METTL8: variants seen among roughly 807,000 people sequenced by gnomAD.
The protein encoded by METTL8 is tRNA N(3)-cytidine methyltransferase METTL8, mitochondrial.
METTL8 carries 32 observed loss-of-function variants against 48.7 expected under a neutral mutation model. That is an observed-to-expected ratio of 0.66 (90% CI 0.50 to 0.88). The LOEUF is 0.88. Ranked by LOEUF, METTL8 falls within the 40% of genes least tolerant of loss-of-function variation. The pLI, the probability that METTL8 is intolerant of heterozygous loss-of-function variation, is 0.00. For missense variants in METTL8, 464 were observed against 474.4 expected (o/e 0.98, Z 0.20); for synonymous variants, 136 against 157.1 (o/e 0.87, Z 1.01).
At chr2:171,409,882 G>C (rs1007405996) in intron 1 of METTL8, among the ~76,000 whole-genome samples, 1 of 152,174 alleles carries the variant, frequency 6.6e-6, no homozygotes, top group East Asian at 1.9e-4. Flanking sequence ...AGGCCCTCCA[G>C]GCAGAGCCTT....
intron 3 of METTL8, among the ~76,000 whole-genome samples, chr2:171,342,944 A>T (rs1934399055): frequency 6.6e-6 from 1 of 152,152 alleles, no homozygotes; most frequent in Non-Finnish European, 1.5e-5. Context: ...AGGCCCAGGC[A>T]GGAGGACCAC....
intron 4 of METTL8, among the ~76,000 whole-genome samples, chr2:171,338,456 G>A (rs1367517558): frequency 6.6e-6 from 1 of 151,912 alleles, no homozygotes; most frequent in Admixed American, 6.6e-5. Context: ...TGGCCAACGT[G>A]GCGAAACCCT....
At chr2:171,336,463 G>A (rs1686122188) in intron 5 of METTL8, among the ~76,000 whole-genome samples, 2 of 139,134 alleles carry the variant, frequency 1.4e-5, no homozygotes, top group African/African-American at 5.5e-5. Flanking sequence ...ATGCAGTAGC[G>A]AGATCTCGGC....
intron 3 of METTL8, among the ~76,000 whole-genome samples, chr2:171,345,126 C>T (rs1238689975): frequency 1.3e-5 from 2 of 152,102 alleles, no homozygotes; most frequent in Admixed American, 1.3e-4. Context: ...ATGCCAGTGG[C>T]AGTAAGAGGG....
chr2:171,400,513 T>C (rs912028119), intron 1 of METTL8, among the ~76,000 whole-genome samples: 1 of 152,192 alleles, frequency 6.6e-6, no homozygotes, highest in Non-Finnish European at 1.5e-5. Context: ...AGCAATGCCA[T>C]TGGTAGTCAG....
intron 3 of METTL8, among the ~76,000 whole-genome samples, chr2:171,351,934 T>G (rs148681671): frequency 2.6e-3 from 392 of 152,332 alleles, no homozygotes; most frequent in African/African-American, 8.5e-3. Flanking sequence ...CTTTCTCTTT[T>G]CCTAATTGAA....
rs546627112 is a variant in METTL8, at chr2:171,329,794, G to A, written c.860+765C>T. Among the ~76,000 whole-genome samples the A allele has an allele frequency of 2.6e-4, 40 of 152,310 alleles. 1 individual carries two copies. Among genetic ancestry groups the A allele is most frequent in the Non-Finnish European group, 4.1e-4 (28 of 68,024 alleles). On this transcript the variant is annotated intron_variant, in intron 7 of 9. Coordinates refer to ENST00000375258, the MANE Select transcript of METTL8 (RefSeq NM_001321154.2). ...ACTCATCAAACAAAAAGTGGTTGAC[G>A]CCAAGTCTGTATCTTCCACCAGGGA...
At chr2:171,346,798 T>A (rs1687305793) in intron 3 of METTL8, among the ~76,000 whole-genome samples, 1 of 152,246 alleles carries the variant, frequency 6.6e-6, no homozygotes, top group Non-Finnish European at 1.5e-5. Context: ...TTAAACAATC[T>A]ATTTACCTTG....
chr2:171,355,899 G>C (rs111676775), intron 3 of METTL8, among the ~76,000 whole-genome samples: 1 of 152,048 alleles, frequency 6.6e-6, no homozygotes, highest in Non-Finnish European at 1.5e-5. Flanking sequence ...GGGAATTCCC[G>C]GAACCCTTGC....
At chr2:171,344,111 T>C (rs1210815272) in intron 3 of METTL8, among the ~76,000 whole-genome samples, 4 of 152,158 alleles carry the variant, frequency 2.6e-5, no homozygotes, top group African/African-American at 9.6e-5. Context: ...ATACCAATAA[T>C]AGTAGCATTA....
chr2:171,378,659 G>A (rs935286122), intron 2 of METTL8, among the ~76,000 whole-genome samples: 1 of 151,836 alleles, frequency 6.6e-6, no homozygotes, highest in African/African-American at 2.4e-5. Flanking sequence ...AATAAAAAAA[G>A]AAGGGTATTA....
chr2:171,329,092 T>G (rs1244854440), intron 7 of METTL8, among the ~76,000 whole-genome samples: 1 of 152,096 alleles, frequency 6.6e-6, no homozygotes, highest in East Asian at 1.9e-4. Context: ...TTCAAACGAC[T>G]CTCCTGCCTC....
intron 2 of METTL8, among the ~76,000 whole-genome samples, chr2:171,368,961 T>G (rs905568178): frequency 1.3e-5 from 2 of 152,078 alleles, no homozygotes; most frequent in African/African-American, 4.8e-5. Flanking sequence ...ACTATTGAGA[T>G]TTAGTGTAAT....
In METTL8 at chr2:171,319,963, T is replaced by C. The variant is rs1191084321; in HGVS notation, c.*4209A>G. ...TTCAGCTCTCTCAGAAGATGAATTT[T>C]TAAATATCAAACTCTGCCTAACCAA... On this transcript the variant is annotated 3_prime_UTR_variant, in exon 10 of 10. Coordinates refer to ENST00000375258, the MANE Select transcript of METTL8 (RefSeq NM_001321154.2). 2 of 152,128 alleles carry C rather than the reference T, an allele frequency of 1.3e-5. No homozygotes were observed. The allele number at this position is 152,128 out of a possible 1,614,324, so 9.4% of individuals were successfully genotyped here. A position where few individuals can be genotyped will look rare whatever the true frequency, so the allele number is the denominator to read the frequency against.
chr2:171,327,985 C>T (rs935495210), intron 7 of METTL8, among the ~76,000 whole-genome samples: 3 of 152,114 alleles, frequency 2.0e-5, no homozygotes, highest in Non-Finnish European at 4.4e-5. Context: ...AAATTCTTTC[C>T]TCTCAGCTAT....
rs529655870 is a variant in METTL8, at chr2:171,354,394, T to C, written c.235+6028A>G. 3.9e-5 allele frequency among the ~76,000 whole-genome samples: 6 copies of C among 152,328 alleles called. No individual in the cohort carries two copies. The South Asian group carries it at 1.2e-3, about 32-fold the overall frequency. On this transcript the variant is annotated intron_variant, in intron 3 of 9. Transcript: ENST00000375258. ...TTTCTCTCTGGCTGCCCTTAACATT[T>C]TTTCTTTCATTTCAACCTTGGTGAA...
At chr2:171,433,742 C>G (rs79531093) in intron 1 of METTL8, 141 bp downstream of exon 1, 4 of 152,386 alleles carry the variant, frequency 2.6e-5, no homozygotes, top group African/African-American at 9.6e-5. Flanking sequence ...CAAGGACAAG[C>G]CTCCGGGAAA....
intron 1 of METTL8, among the ~76,000 whole-genome samples, chr2:171,429,682 T>C (rs111806823): frequency 4.4e-4 from 67 of 152,346 alleles, no homozygotes; most frequent in African/African-American, 1.6e-3. Flanking sequence ...TTTGCATATA[T>C]GTGACATACT....
At chr2:171,366,189 A>G (rs1203866872) in intron 2 of METTL8, among the ~76,000 whole-genome samples, 1 of 152,180 alleles carries the variant, frequency 6.6e-6, no homozygotes, top group Non-Finnish European at 1.5e-5. Context: ...AACTGACAAG[A>G]TAGGTAGTAC....
Sources: allele counts gnomAD v4.1 joint callset (sites outside exome capture counted in the v4.1 genomes callset), GRCh38; gene constraint gnomAD v4.1.1; transcripts MANE v1.5; gene names NCBI Gene and HGNC (gene_info 2026-07-23, HGNC 2026-07-21).